RASIP1: variants seen among roughly 807,000 people sequenced by gnomAD.
The protein encoded by RASIP1 is ras-interacting protein 1.
In RASIP1, 20 loss-of-function variants were observed where a neutral mutation model predicts 85.3. The observed-to-expected ratio is 0.23, with a 90% confidence interval of 0.17 to 0.34. The LOEUF is 0.34. Ranked by LOEUF, RASIP1 falls within the 10% of genes least tolerant of loss-of-function variation. The pLI is 1.00. For missense variants in RASIP1, 1,170 were observed against 1,390.9 expected, an observed-to-expected ratio of 0.84 and a Z score of 2.53; for synonymous variants, 617 against 647.1, an observed-to-expected ratio of 0.95 and a Z score of 0.71.
At chr19:48,732,489 C>T (rs867755850) in intron 4 of RASIP1, among the ~76,000 whole-genome samples, 13 of 152,020 alleles carry the variant, frequency 8.6e-5, no homozygotes, top group Middle Eastern at 3.4e-3. Context: ...CTCATGACCT[C>T]GTGATCCGCC....
At chr19:48,723,391 C>T (rs2033284353) in intron 10 of RASIP1, among the ~76,000 whole-genome samples, 1 of 152,002 alleles carries the variant, frequency 6.6e-6, no homozygotes, top group Non-Finnish European at 1.5e-5. Context: ...GAAACCCTGT[C>T]TCTACCAAAA....
At chr19:48,727,930 T>G (rs2033371678) in intron 5 of RASIP1, among the ~76,000 whole-genome samples, 1 of 151,724 alleles carries the variant, frequency 6.6e-6, no homozygotes, top group Admixed American at 6.6e-5. Context: ...TCAGGTGATC[T>G]GCCCGCCTCG....
At chr19:48,737,384 C>T in intron 3 of RASIP1, 1 of 858,822 alleles carries the variant, frequency 1.2e-6, no homozygotes, top group Non-Finnish European at 1.4e-6. Context: ...CAGACCCGTG[C>T]TTTCAATGCG....
chr19:48,729,119 C>G lies in RASIP1; in HGVS notation c.1651G>C (p.Glu551Gln). 1 of 1,365,362 alleles carries G rather than the reference C, an allele frequency of 7.3e-7. No individual in the cohort carries two copies. Among genetic ancestry groups the G allele is most frequent in the East Asian group, 3.4e-5 (1 of 29,416 alleles). 84.6% of individuals were successfully genotyped at this position (1,365,362 alleles called of 1,614,324 possible). A position where few individuals can be genotyped will look rare whatever the true frequency, so the allele number is the denominator to read the frequency against. Residue 551 changes from glutamate to glutamine, a missense_variant, in exon 5 of 12, where the codon GAG (glutamate) becomes CAG (glutamine). Around this residue, in one of 4 missense-constraint regions of RASIP1, gnomAD observed 426 missense variants for 576.2 expected, o/e 0.74. Coordinates refer to ENST00000222145, the MANE Select transcript of RASIP1 (RefSeq NM_017805.3). ...ATCTCGCCCAGCAGCGCCTCCTCCT[C>G]GCGCGGCCGGAAGCGCAGGACTGGC... is the stretch of plus-strand genomic sequence containing the variant. ...REPVLRFRPREEEALLGEIVR... is the reference protein window; with the variant it reads ...REPVLRFRPRQEEALLGEIVR...
chr19:48,729,825 C>T (rs1000962579), intron 4 of RASIP1, among the ~76,000 whole-genome samples: 4 of 148,080 alleles, frequency 2.7e-5, no homozygotes, highest in Non-Finnish European at 4.4e-5. Flanking sequence ...AGCAATTCTC[C>T]TGCCTCAGTC....
chr19:48,740,089 A>T lies in RASIP1; in HGVS notation c.137+57T>A. On this transcript the variant is annotated intron_variant, in intron 2 of 11. Coordinates refer to ENST00000222145, the MANE Select transcript of RASIP1 (RefSeq NM_017805.3). This position sits in a 1 kb window ranked among gnomAD's most constrained non-coding sequence, Gnocchi z 5.5. Reference sequence around the variant, plus strand: ...ACTTTGCAGGGACTGGGCAGTGAACAGGGACAGATGGGAAGCAGGTGTGCA... The same window carrying T: ...ACTTTGCAGGGACTGGGCAGTGAACTGGGACAGATGGGAAGCAGGTGTGCA... 6.6e-7 allele frequency: 1 copy of T among 1,510,994 alleles called. No individual in the cohort carries two copies. The highest frequency in any genetic ancestry group is 8.8e-7 in the Non-Finnish European group (1 of 1,134,248). The allele number at this position is 1,510,994 out of a possible 1,614,324, so 93.6% of individuals were successfully genotyped here. A position where few individuals can be genotyped will look rare whatever the true frequency, so the allele number is the denominator to read the frequency against.
chr19:48,720,637 A>C lies in RASIP1; in HGVS notation c.*161T>G. 1 of 761,046 alleles carries C rather than the reference A, an allele frequency of 1.3e-6. No homozygotes were observed. Among genetic ancestry groups the C allele is most frequent in the Non-Finnish European group, 2.2e-6 (1 of 451,252 alleles). The allele number at this position is 761,046 out of a possible 1,614,324, so 47.1% of individuals were successfully genotyped here. On this transcript the variant is annotated 3_prime_UTR_variant, in exon 12 of 12. Transcript: ENST00000222145. Reference sequence around the variant, plus strand: ...TCCCTGGCATTCACATCCTAAGCCCATGCTCCCACCGTCCCATCCGCTACT... The same window carrying C: ...TCCCTGGCATTCACATCCTAAGCCCCTGCTCCCACCGTCCCATCCGCTACT...
chr19:48,726,995 G>A lies in RASIP1; in HGVS notation c.2023+12C>T, dbSNP rs764010890. The A allele has an allele frequency of 6.2e-7, 1 of 1,614,114 alleles. No individual in the cohort carries two copies. On this transcript the variant is annotated intron_variant, in intron 7 of 11. Transcript: ENST00000222145. ...GAGACTTGGACAAGCCTGAGCCTGAGTCAGAGCTCACCCTCTTGGTCAGCC... is the reference window on the plus strand; with the variant it reads ...GAGACTTGGACAAGCCTGAGCCTGAATCAGAGCTCACCCTCTTGGTCAGCC...
chr19:48,740,524 G>A lies in RASIP1; in HGVS notation c.-8C>T, dbSNP rs1299328137. On this transcript the variant is annotated 5_prime_UTR_variant, in exon 1 of 12. Transcript: ENST00000222145. The surrounding 1 kb of genome is among the most constrained non-coding windows in gnomAD (Gnocchi z 5.5). ...CTGCTGGGTCCCTGGCTCTTACCCTGCTTCGGGTCCGGCACACCCGGAGGC... is the reference window on the plus strand; with the variant it reads ...CTGCTGGGTCCCTGGCTCTTACCCTACTTCGGGTCCGGCACACCCGGAGGC... 1.4e-6 allele frequency: 2 copies of A among 1,390,696 alleles called. No individual in the cohort carries two copies. The highest frequency in any genetic ancestry group is 6.7e-5 in the Admixed American group (2 of 30,064). The allele number at this position is 1,390,696 out of a possible 1,614,324, so 86.1% of individuals were successfully genotyped here.
At chr19:48,721,236 G>T (rs918468062) in intron 11 of RASIP1, among the ~76,000 whole-genome samples, 2 of 152,120 alleles carry the variant, frequency 1.3e-5, no homozygotes, top group African/African-American at 2.4e-5. Context: ...CCGAGAAAGG[G>T]CTGGGAACTT....
At position 48,738,191 on chromosome 19, in the gene RASIP1, C is replaced by T. The variant is rs182223145; in HGVS notation, c.823+769G>A. On this transcript the variant is annotated intron_variant, in intron 3 of 11. Transcript: ENST00000222145. The surrounding 1 kb of genome is among the most constrained non-coding windows in gnomAD (Gnocchi z 4.0). ...AACTCCCAACCTCAGGTGATCCGCCCGCCTCAGCCTCTCAAAGTGCTGGGA... is the reference window on the plus strand; with the variant it reads ...AACTCCCAACCTCAGGTGATCCGCCTGCCTCAGCCTCTCAAAGTGCTGGGA... Among the ~76,000 whole-genome samples the T allele has an allele frequency of 6.5e-3, 990 of 152,298 alleles. 6 individuals are homozygous for T. The highest frequency in any genetic ancestry group is 0.022 in the East Asian group (112 of 5,184).
At position 48,724,776 on chromosome 19, in the gene RASIP1, G is replaced by C; in HGVS notation, c.2312C>G (p.Thr771Ser). 1 of 1,614,222 alleles carries C rather than the reference G, an allele frequency of 6.2e-7. No individual in the cohort carries two copies. The highest frequency in any genetic ancestry group is 1.1e-5 in the South Asian group (1 of 91,090). Residue 771 changes from threonine (T) to serine (S), a missense_variant, in exon 9 of 12, where the codon ACT becomes AGT. Physicochemically the swap from Thr to Ser is moderately conservative, Grantham distance 58. This residue lies in a region of RASIP1 where 426 missense variants were observed against 576.2 expected (regional missense o/e 0.74). Transcript: ENST00000222145. This position sits in a 1 kb window ranked among gnomAD's most constrained non-coding sequence, Gnocchi z 4.6. ...CELHPDLVSQTFGYLFFFSNA... is the reference protein window; with the variant it reads ...CELHPDLVSQSFGYLFFFSNA... ...GGAGAAGAAGAACAAGTAGCCAAAA[G>C]TCTGAGACACGAGGTCAGGGTGCAG...
chr19:48,734,486 CTTTCTT>C (rs1279585258), intron 4 of RASIP1, among the ~76,000 whole-genome samples: 8 of 83,708 alleles, frequency 9.6e-5, no homozygotes, highest in African/African-American at 3.2e-4. Flanking sequence ...GCTTTTTTTT[CTTTCTT>C]TTTTTTTTTT....
chr19:48,727,316 A>G lies in RASIP1; in HGVS notation c.1871+77T>C, dbSNP rs1398556506. ...AGCAGAAACTTGCACTGGGGCATGC[A>G]TGGGGTGAACACAGAACTAGACGCA... is the stretch of plus-strand genomic sequence containing the variant. On this transcript the variant is annotated intron_variant, in intron 6 of 11. Transcript: ENST00000222145. 4 of 1,565,098 alleles carry G rather than the reference A, an allele frequency of 2.6e-6. No individual in the cohort carries two copies. In the African/African-American group the frequency reaches 4.1e-5, roughly 16 times the overall value.
Position 48,724,971 on chromosome 19 carries a change from AGAG to A in RASIP1, c.2128-14_2128-12del, listed in dbSNP as rs1217181698. ...CGTTGAATAGAGAGTCTGAGAAAAT[AGAG>A]AAGTGGAAACAAGTGATTGGACTAC... On this transcript the variant is annotated splice_polypyrimidine_tract_variant and intron_variant, in intron 8 of 11. Coordinates refer to ENST00000222145, the MANE Select transcript of RASIP1 (RefSeq NM_017805.3). The surrounding 1 kb of genome is among the most constrained non-coding windows in gnomAD (Gnocchi z 4.6). The A allele has an allele frequency of 6.2e-7, 1 of 1,607,412 alleles. No homozygotes were observed. Among genetic ancestry groups the A allele is most frequent in the Admixed American group, 1.7e-5 (1 of 59,856 alleles).
intron 10 of RASIP1, among the ~76,000 whole-genome samples, chr19:48,723,909 G>A (rs932957805): frequency 2.5e-4 from 37 of 150,948 alleles, no homozygotes; most frequent in African/African-American, 8.7e-4. Context: ...CCAGGTTCCA[G>A]CGATTCTCCT....
chr19:48,720,782 C>T lies in RASIP1; in HGVS notation c.*16G>A. 1 of 1,613,010 alleles carries T rather than the reference C, an allele frequency of 6.2e-7. No individual in the cohort carries two copies. The highest frequency in any genetic ancestry group is 8.5e-7 in the Non-Finnish European group (1 of 1,179,246). The stretch of plus-strand genomic sequence containing the variant: ...CGTGACATTTCAAGGTTCGCGCGCT[C>T]GTTTGGTATTGGTTCTCAAGGAGAC... On this transcript the variant is annotated 3_prime_UTR_variant, in exon 12 of 12. Coordinates refer to ENST00000222145, the MANE Select transcript of RASIP1 (RefSeq NM_017805.3).
rs1424463380 is a variant in RASIP1 at position 48,720,908 on chromosome 19, C to A, written c.2782G>T (p.Asp928Tyr). The A allele has an allele frequency of 1.9e-6, 3 of 1,613,740 alleles. No individual in the cohort carries two copies. Among genetic ancestry groups the A allele is most frequent in the Admixed American group, 1.7e-5 (1 of 60,000 alleles). The change falls in exon 12 of 12, where the codon GAT (aspartate) becomes TAT (tyrosine). Residue 928 changes from aspartate (D) to tyrosine (Y), a missense_variant. Transcript: ENST00000222145. ...RLRLTGPVTDDALHRELRRLR... is the reference protein window; with the variant it reads ...RLRLTGPVTDYALHRELRRLR... ...CTACGGAGTTCACGGTGCAAGGCAT[C>A]GTCCGTCACTGGACCAGTGAGGCGC... is the stretch of plus-strand genomic sequence containing the variant.
At chr19:48,735,153 G>T (rs1475850405) in intron 4 of RASIP1, 43 bp downstream of exon 4, 4 of 1,511,800 alleles carry the variant, frequency 2.6e-6, no homozygotes, top group South Asian at 1.2e-5. Context: ...ACCAACAGAT[G>T]GGGTATAGGG....
Sources: gnomAD v4.1 joint callset for allele counts (sites outside exome capture counted in the v4.1 genomes callset) on GRCh38, gnomAD v4.1.1 for gene constraint, gnomAD v4.1.1 regional missense constraint, Gnocchi (gnomAD v3.1) non-coding constraint, MANE v1.5 for transcripts, NCBI Gene and HGNC (gene_info 2026-07-23, HGNC 2026-07-21) for gene names.